Variants in HTT observed in about 807,000 individuals in gnomAD.
The protein encoded by HTT is huntington disease protein.
HTT carries 104 observed loss-of-function variants against 362.3 expected under a neutral mutation model. The observed-to-expected ratio is 0.29, with a 90% CI of 0.24 to 0.34. The LOEUF (loss-of-function observed/expected upper bound fraction) is 0.34, where lower values mean the gene tolerates loss of function less well. Among genes scored for constraint, HTT ranks in the 10% least tolerant of loss-of-function variants. The pLI, the probability that HTT is intolerant of heterozygous loss-of-function variation, is 1.00. For synonymous variants in HTT, 1,577 were observed against 1,548.7 expected (o/e 1.02, Z -0.43); for missense variants, 3,301 against 3,928.6 (o/e 0.84, Z 4.27).
chr4:3,090,487 G>A (rs1326062707), intron 2 of HTT, among the ~76,000 whole-genome samples: 1 of 152,062 alleles, frequency 6.6e-6, no homozygotes, highest in Non-Finnish European at 1.5e-5. Context: ...AAGGTGGCTA[G>A]GTAAACATAA....
rs1024155842 is a variant in HTT, at chr4:3,240,311, G to A, written c.*252G>A. On this transcript the variant is annotated 3_prime_UTR_variant, in exon 67 of 67. Transcript: ENST00000355072. ...TCCAGAAAGCAGGAGCAGCTGTGCTGCACCCCATGTGGGTGACCAGGTCCT... is the reference window on the plus strand; with the variant it reads ...TCCAGAAAGCAGGAGCAGCTGTGCTACACCCCATGTGGGTGACCAGGTCCT... 1.1e-5 allele frequency: 6 copies of A among 559,634 alleles called. No individual in the cohort carries two copies. The Admixed American group carries it at 1.9e-4, about 17-fold the overall frequency. The allele number at this position is 559,634 out of a possible 1,614,324, so 34.7% of individuals were successfully genotyped here. A position where few individuals can be genotyped will look rare whatever the true frequency, so the allele number is the denominator to read the frequency against.
At chr4:3,086,827 C>T (rs1049454102) in intron 1 of HTT, 112 bp from the exon 2 acceptor site, 9 of 626,194 alleles carry the variant, frequency 1.4e-5, no homozygotes, top group African/African-American at 5.5e-5. Context: ...TGGAGTATAA[C>T]GGTTTATTCA....
In HTT at chr4:3,136,333, A is replaced by G. The variant is rs1189595734; in HGVS notation, c.2798+7A>G. On this transcript the variant is annotated splice_region_variant and intron_variant, in intron 21 of 66. Transcript: ENST00000355072. ...CCGCAGCATCACTAATTAGGTATTT[A>G]CCAATATTTTATCTCTTTTCCTTTT... is the stretch of plus-strand genomic sequence containing the variant. The G allele has an allele frequency of 6.7e-7, 1 of 1,499,352 alleles. No homozygotes were observed. Among genetic ancestry groups the G allele is most frequent in the Middle Eastern group, 1.7e-4 (1 of 5,768 alleles). The allele number at this position is 1,499,352 out of a possible 1,614,324, so 92.9% of individuals were successfully genotyped here.
chr4:3,208,167 G>C (rs531658477), intron 45 of HTT, among the ~76,000 whole-genome samples: 1 of 152,248 alleles, frequency 6.6e-6, no homozygotes, highest in South Asian at 2.1e-4. Flanking sequence ...GGACAGTTTG[G>C]GATGATTTTT....
chr4:3,177,774 A>G (rs1271692945), intron 34 of HTT, among the ~76,000 whole-genome samples: 2 of 152,178 alleles, frequency 1.3e-5, no homozygotes, highest in Admixed American at 6.5e-5. Flanking sequence ...TTTTCTTGCT[A>G]GATGTTGAGG....
intron 33 of HTT, among the ~76,000 whole-genome samples, chr4:3,175,847 G>A (rs1718212135): frequency 6.6e-6 from 1 of 152,168 alleles, no homozygotes; most frequent in South Asian, 2.1e-4. Context: ...ATATTTGTGA[G>A]TTAGAAATAT....
intron 40 of HTT, among the ~76,000 whole-genome samples, chr4:3,191,322 C>T (rs1578575191): frequency 6.6e-6 from 1 of 151,978 alleles, no homozygotes; most frequent in Non-Finnish European, 1.5e-5. Context: ...TACGGGCATG[C>T]ACCACCACGC....
At position 3,154,326 on chromosome 4, in the gene HTT, C is replaced by G. The variant is rs1717042598; in HGVS notation, c.3532C>G (p.Leu1178Val). ...ALPSLTNPPS[L>V]SPIRRKGKEK... ...GCCTTCTCTAACAAACCCCCCTTCT[C>G]TAAGTCCCATCCGACGAAAGGGGAA... The change falls in exon 27 of 67, where the codon CTA becomes GTA. Residue 1178 changes from leucine (L) to valine (V), a missense_variant. Leu to Val is a conservative substitution (Grantham distance 32). Coordinates refer to ENST00000355072, the MANE Select transcript of HTT (RefSeq NM_001388492.1). The G allele has an allele frequency of 6.2e-7, 1 of 1,608,426 alleles. No individual in the cohort carries two copies. The highest frequency in any genetic ancestry group is 8.5e-7 in the Non-Finnish European group (1 of 1,177,054).
chr4:3,219,089 C>G (rs183477685), intron 52 of HTT, among the ~76,000 whole-genome samples: 263 of 152,318 alleles, frequency 1.7e-3, no homozygotes, highest in Non-Finnish European at 1.9e-3. Flanking sequence ...GAGGCCAGTG[C>G]CTGGCGGTGC....
At position 3,241,122 on chromosome 4, in the gene HTT, G is replaced by T. The variant is rs557769619; in HGVS notation, c.*1063G>T. 4 of 152,638 alleles carry T rather than the reference G, an allele frequency of 2.6e-5. No homozygotes were observed. Among genetic ancestry groups the T allele is most frequent in the African/African-American group, 9.6e-5 (4 of 41,588 alleles). 9.5% of individuals were successfully genotyped at this position (152,638 alleles called of 1,614,324 possible). A position where few individuals can be genotyped will look rare whatever the true frequency, so the allele number is the denominator to read the frequency against. ...TCTGCCTAGGAGCTGGCTGGCAGGT[G>T]TTGGGACCTGCTGCTCCATGGATGC... On this transcript the variant is annotated 3_prime_UTR_variant, in exon 67 of 67. Coordinates refer to ENST00000355072, the MANE Select transcript of HTT (RefSeq NM_001388492.1).
intron 4 of HTT, 36 bp downstream of exon 4, chr4:3,103,919 A>T: frequency 7.5e-7 from 1 of 1,327,114 alleles, no homozygotes; most frequent in Non-Finnish European, 1.1e-6. Context: ...AATGTTTTAA[A>T]TTTTAAATTT....
chr4:3,186,701 C>T lies in HTT; in HGVS notation c.4971C>T (p.Phe1657=), dbSNP rs199866794. ...RPVDMLLRSM[F]VTPNTMASVS... is the part of the protein sequence containing the mutation. ...TAGACATGCTTTTACGGAGTATGTT[C>T]GTCACTCCAAACACAATGGTGAGTC... Residue 1657 remains phenylalanine, a synonymous_variant, in exon 38 of 67, where the codon TTC becomes TTT. Coordinates refer to ENST00000355072, the MANE Select transcript of HTT (RefSeq NM_001388492.1). 1.9e-5 allele frequency: 31 copies of T among 1,613,640 alleles called. No individual in the cohort carries two copies. In the South Asian group the frequency reaches 2.6e-4, roughly 14 times the overall value.
At chr4:3,113,277 C>T (rs1714854485) in intron 6 of HTT, among the ~76,000 whole-genome samples, 3 of 151,938 alleles carry the variant, frequency 2.0e-5, no homozygotes, top group Admixed American at 2.0e-4. Context: ...TGTGCTGACT[C>T]ATCATAATAA....
chr4:3,225,050 C>G (rs1434263388), intron 56 of HTT, among the ~76,000 whole-genome samples: 2 of 151,934 alleles, frequency 1.3e-5, no homozygotes, highest in African/African-American at 4.8e-5. Flanking sequence ...GCAAGTTGAT[C>G]TGGGGTCTGG....
intron 39 of HTT, chr4:3,188,620 C>A (rs937458067): frequency 4.9e-6 from 1 of 205,062 alleles, no homozygotes; most frequent in African/African-American, 2.4e-5. Flanking sequence ...CAGCCCATGG[C>A]TTTCCCTGTG....
intron 36 of HTT, among the ~76,000 whole-genome samples, 192 bp from the exon 37 acceptor site, chr4:3,182,162 C>T (rs868816798): frequency 2.0e-5 from 3 of 152,218 alleles, no homozygotes; most frequent in Non-Finnish European, 2.9e-5. Context: ...ACTTGTGTTT[C>T]GTTCTGATTC....
At chr4:3,155,093 C>A (rs958792595) in intron 27 of HTT, among the ~76,000 whole-genome samples, 1 of 152,016 alleles carries the variant, frequency 6.6e-6, no homozygotes, top group Admixed American at 6.6e-5. Flanking sequence ...CGCCTGGCCA[C>A]CTGTCTGTAC....
intron 33 of HTT, among the ~76,000 whole-genome samples, chr4:3,175,667 A>G (rs1367706344): frequency 1.3e-5 from 2 of 152,158 alleles, no homozygotes; most frequent in Non-Finnish European, 2.9e-5. Flanking sequence ...CCTTCCTCCT[A>G]TAGTTGCTGT....
chr4:3,188,630 G>A (rs1718876231), intron 39 of HTT: 1 of 212,574 alleles, frequency 4.7e-6, no homozygotes, highest in African/African-American at 2.3e-5. Flanking sequence ...CTTTCCCTGT[G>A]TCGCATTGAA....
Sources: allele counts gnomAD v4.1 joint callset (sites outside exome capture counted in the v4.1 genomes callset), GRCh38; gene constraint gnomAD v4.1.1; transcripts MANE v1.5; gene names NCBI Gene and HGNC (gene_info 2026-07-23, HGNC 2026-07-21).